KCNQ4: variants seen among roughly 807,000 people sequenced by gnomAD.
KCNQ4 encodes potassium voltage-gated channel subfamily KQT member 4.
KCNQ4 carries 31 observed loss-of-function variants against 72.6 expected under a neutral mutation model. The ratio of observed to expected loss-of-function variants is 0.43; its 90% CI spans 0.32 to 0.58. The LOEUF is 0.58. KCNQ4 is among the 20% of genes least tolerant of loss of function. The pLI, the probability that KCNQ4 is intolerant of heterozygous loss-of-function variation, is 0.08. For missense variants in KCNQ4, 869 were observed against 962.6 expected (o/e 0.90, Z 1.29); for synonymous variants, 405 against 403.7 (o/e 1.00, Z -0.04).
Position 40,817,895 on chromosome 1 carries a change from C to A in KCNQ4, c.406-269C>A, listed in dbSNP as rs1188546939. 2.0e-5 allele frequency among the ~76,000 whole-genome samples: 3 copies of A among 152,178 alleles called. No homozygotes were observed. The highest frequency in any genetic ancestry group is 7.2e-5 in the African/African-American group (3 of 41,436). On this transcript the variant is annotated intron_variant, in intron 2 of 13. Transcript: ENST00000347132. This position sits in a 1 kb window ranked among gnomAD's most constrained non-coding sequence, Gnocchi z 5.5. ...GTCAGAGTTAGGGAGTCTGAGACAG[C>A]TGGGACAGGGAGGGCCTGTTGAGGA...
chr1:40,837,182 G>A (rs1194961038), intron 12 of KCNQ4, among the ~76,000 whole-genome samples: 3 of 151,202 alleles, frequency 2.0e-5, no homozygotes, highest in South Asian at 2.1e-4. Context: ...CGACCTCTCC[G>A]GCTCAAGTGA....
chr1:40,819,097 G>T, intron 4 of KCNQ4: 1 of 505,294 alleles, frequency 2.0e-6, no homozygotes, highest in Non-Finnish European at 3.7e-6. Context: ...CTGGAGTCCT[G>T]AGCCTGGAAC....
chr1:40,820,005 G>A lies in KCNQ4; in HGVS notation c.945+20G>A. ...CCTGCCGTGAGTTGCCTCCTGCTCA[G>A]TTGGTGGGGGAGGCTGAGGGTGGGA... On this transcript the variant is annotated intron_variant, in intron 6 of 13. Transcript: ENST00000347132. The A allele has an allele frequency of 6.3e-7, 1 of 1,598,322 alleles. No individual in the cohort carries two copies. Among genetic ancestry groups the A allele is most frequent in the South Asian group, 1.1e-5 (1 of 90,718 alleles).
intron 13 of KCNQ4, 78 bp downstream of exon 13, chr1:40,837,872 T>G: frequency 1.3e-6 from 2 of 1,540,056 alleles, no homozygotes; most frequent in Non-Finnish European, 1.8e-6. Context: ...AGGATGCGTT[T>G]CCCACAGCCA....
rs187779840 is a variant in KCNQ4, at chr1:40,784,946, G to A, written c.314+539G>A. Among the ~76,000 whole-genome samples, 271 of 152,280 alleles carry A rather than the reference G, an allele frequency of 1.8e-3. 1 individual carries two copies. Among genetic ancestry groups the A allele is most frequent in the African/African-American group, 5.9e-3 (244 of 41,574 alleles). On this transcript the variant is annotated intron_variant, in intron 1 of 13. Coordinates refer to ENST00000347132, the MANE Select transcript of KCNQ4 (RefSeq NM_004700.4). The surrounding 1 kb of genome is among the most constrained non-coding windows in gnomAD (Gnocchi z 4.1). The stretch of plus-strand genomic sequence containing the variant: ...TGTGGGTGTGTGGGGGTCCCTGTGG[G>A]CCCCCTGGGCCCTGACACTCGCATA...
intron 1 of KCNQ4, among the ~76,000 whole-genome samples, chr1:40,814,078 T>A (rs1648012415): frequency 1.1e-5 from 1 of 93,740 alleles, no homozygotes; most frequent in African/African-American, 4.3e-5. Context: ...TTTGAGATGA[T>A]GTCTTGCTCT....
chr1:40,807,544 C>A (rs1004285765), intron 1 of KCNQ4, among the ~76,000 whole-genome samples: 4 of 152,200 alleles, frequency 2.6e-5, no homozygotes, highest in Non-Finnish European at 4.4e-5. Context: ...TGGAAAGAGC[C>A]TCGCTCTGAG....
intron 1 of KCNQ4, among the ~76,000 whole-genome samples, chr1:40,801,631 G>A (rs1288756519): frequency 6.6e-6 from 1 of 152,166 alleles, no homozygotes; most frequent in Non-Finnish European, 1.5e-5. Context: ...ATCTATCCCC[G>A]GTGTCTACCA....
At position 40,838,918 on chromosome 1, in the gene KCNQ4, G is replaced by C; in HGVS notation, c.*395G>C. 6.1e-6 allele frequency: 2 copies of C among 325,284 alleles called. No individual in the cohort carries two copies. Among genetic ancestry groups the C allele is most frequent in the South Asian group, 6.1e-5 (2 of 32,626 alleles). The allele number at this position is 325,284 out of a possible 1,614,324, so 20.1% of individuals were successfully genotyped here. ...AGGTGAGGTCTCTGGCCCACCCTTC[G>C]GACACAGCAGGGAAGCCCTCCCGCC... On this transcript the variant is annotated 3_prime_UTR_variant, in exon 14 of 14. Transcript: ENST00000347132.
chr1:40,807,654 G>C (rs926070988), intron 1 of KCNQ4, among the ~76,000 whole-genome samples: 1 of 152,238 alleles, frequency 6.6e-6, no homozygotes. Flanking sequence ...CCCCTTGTCA[G>C]GAAGTGCCTG....
chr1:40,801,268 A>G, intron 1 of KCNQ4, among the ~76,000 whole-genome samples: 1 of 151,994 alleles, frequency 6.6e-6, no homozygotes, highest in Non-Finnish European at 1.5e-5. Context: ...GCTTTCTGGG[A>G]CCACATCTCC....
At chr1:40,789,747 G>T (rs1461073819) in intron 1 of KCNQ4, among the ~76,000 whole-genome samples, 1 of 152,208 alleles carries the variant, frequency 6.6e-6, no homozygotes, top group Non-Finnish European at 1.5e-5. Context: ...TTTAAGCCAG[G>T]AGTGTTTCAA....
intron 1 of KCNQ4, among the ~76,000 whole-genome samples, chr1:40,813,873 G>A (rs1253033578): frequency 6.6e-6 from 1 of 151,736 alleles, no homozygotes; most frequent in Non-Finnish European, 1.5e-5. Flanking sequence ...TCAGCCTCCC[G>A]AGTAGCTGGG....
chr1:40,816,049 T>C (rs1444134998), intron 1 of KCNQ4, among the ~76,000 whole-genome samples: 2 of 53,570 alleles, frequency 3.7e-5, no homozygotes, highest in East Asian at 1.1e-3. Flanking sequence ...CCGTAGAGCT[T>C]TGTAGCATTT....
chr1:40,834,520 A>G (rs369004696), intron 11 of KCNQ4, among the ~76,000 whole-genome samples: 1 of 151,838 alleles, frequency 6.6e-6, no homozygotes, highest in East Asian at 1.9e-4. Flanking sequence ...TGAGACGGGC[A>G]GATCGCTTGA....
intron 1 of KCNQ4, among the ~76,000 whole-genome samples, chr1:40,808,591 G>A (rs1213971627): frequency 6.6e-6 from 1 of 152,000 alleles, no homozygotes. Flanking sequence ...AGTCCCCAGT[G>A]AGTAGGGGCT....
At chr1:40,828,617 C>T (rs766525561) in intron 9 of KCNQ4, among the ~76,000 whole-genome samples, 5 of 152,146 alleles carry the variant, frequency 3.3e-5, no homozygotes, top group East Asian at 3.9e-4. Flanking sequence ...CACCTCTTTC[C>T]GTGTATATAA....
At chr1:40,785,554 G>T (rs7516766) in intron 1 of KCNQ4, among the ~76,000 whole-genome samples, 5,764 of 152,184 alleles carry the variant, frequency 0.038, 389 homozygotes, top group African/African-American at 0.13. Context: ...ACCTGTGTGC[G>T]AGTTGGCCAG....
At position 40,784,528 on chromosome 1, in the gene KCNQ4, C is replaced by A; in HGVS notation, c.314+121C>A. ...TGCCTCAGGGCCGACCCTCATCTCT[C>A]TCCCCCCAGGCCTAAGCCCGGTTTC... On this transcript the variant is annotated intron_variant, in intron 1 of 13. Coordinates refer to ENST00000347132, the MANE Select transcript of KCNQ4 (RefSeq NM_004700.4). This position sits in a 1 kb window ranked among gnomAD's most constrained non-coding sequence, Gnocchi z 4.1. 1.1e-6 allele frequency: 1 copy of A among 936,368 alleles called. No individual in the cohort carries two copies. Among genetic ancestry groups the A allele is most frequent in the Admixed American group, 1.9e-5 (1 of 52,034 alleles). 58.0% of individuals were successfully genotyped at this position (936,368 alleles called of 1,614,324 possible). A position where few individuals can be genotyped will look rare whatever the true frequency, so the allele number is the denominator to read the frequency against.
Sources: allele counts gnomAD v4.1 joint callset (sites outside exome capture counted in the v4.1 genomes callset), GRCh38; gene constraint gnomAD v4.1.1; non-coding constraint Gnocchi (gnomAD v3.1); transcripts MANE v1.5; gene names NCBI Gene and HGNC (gene_info 2026-07-23, HGNC 2026-07-21).